IREB2: variants seen among roughly 807,000 people sequenced by gnomAD.
IREB2 encodes the protein iron-responsive element-binding protein 2.
IREB2 carries 39 observed loss-of-function variants against 118.8 expected under a neutral mutation model. That is an observed-to-expected ratio of 0.33 (90% confidence interval 0.25 to 0.43). The LOEUF is 0.43. Ranked by LOEUF, IREB2 falls within the 20% of genes least tolerant of loss-of-function variation. The probability of loss-of-function intolerance (pLI) is 1.00; values close to 1 mark genes in which losing one functional copy is unlikely to be tolerated. For missense variants in IREB2, 900 were observed against 1,147.3 expected, an observed-to-expected ratio of 0.78 and a Z score of 3.11; for synonymous variants, 372 against 392.2, an observed-to-expected ratio of 0.95 and a Z score of 0.61.
chr15:78,438,300 C>A lies in IREB2; in HGVS notation c.-38C>A. 6.4e-7 allele frequency: 1 copy of A among 1,564,686 alleles called. No homozygotes were observed. ...GCCCGGCCTCCCCCTTCTTCCCCCG[C>A]TGGCCCCCTCCCCGGAGGGATAATA... On this transcript the variant is annotated 5_prime_UTR_variant, in exon 1 of 22. It adds an upstream start codon to the 5' untranslated region. Coordinates refer to ENST00000258886, the MANE Select transcript of IREB2 (RefSeq NM_004136.4).
At chr15:78,475,061 CAAAAAAAAAAAAA>C (rs67418312) in intron 8 of IREB2, 3 of 69,946 alleles carry the variant, frequency 4.3e-5, no homozygotes, top group South Asian at 1.3e-3. Flanking sequence ...GACTCTGTCT[CAAAAAAAAAAAAA>C]AAAAAAAAAA....
At chr15:78,471,211 G>C (rs1247681418) in intron 6 of IREB2, among the ~76,000 whole-genome samples, 1 of 152,112 alleles carries the variant, frequency 6.6e-6, no homozygotes, top group Non-Finnish European at 1.5e-5. Context: ...GTTTTGCCAT[G>C]TTGGCCAGGC....
chr15:78,491,806 T>C (rs1262880285), intron 18 of IREB2, among the ~76,000 whole-genome samples: 1 of 152,206 alleles, frequency 6.6e-6, no homozygotes, highest in African/African-American at 2.4e-5. Flanking sequence ...AAAATGTCAA[T>C]GTAGCTTGTG....
Position 78,486,552 on chromosome 15 carries a change from C to T in IREB2, c.1709+712C>T, listed in dbSNP as rs572545185. Among the ~76,000 whole-genome samples, 1,195 of 152,258 alleles carry T rather than the reference C, an allele frequency of 7.8e-3. 17 individuals carry two copies. Among genetic ancestry groups the T allele is most frequent in the African/African-American group, 0.027 (1,128 of 41,530 alleles). On this transcript the variant is annotated intron_variant, in intron 13 of 21. Transcript: ENST00000258886. ...CCTGGGAAGCGGAGGTTGCAGTGAA[C>T]CCAGATCGTGCCGCTGCACTCCAGC...
At chr15:78,470,320 T>C (rs1348520244) in intron 5 of IREB2, among the ~76,000 whole-genome samples, 1 of 152,234 alleles carries the variant, frequency 6.6e-6, no homozygotes, top group East Asian at 1.9e-4. Context: ...CTCAGTAAAA[T>C]ACAACTCACT....
rs1301984884 is a variant in IREB2 at position 78,476,544 on chromosome 15, T to C, written c.1195+185T>C. On this transcript the variant is annotated intron_variant, in intron 9 of 21. Coordinates refer to ENST00000258886, the MANE Select transcript of IREB2 (RefSeq NM_004136.4). ...GTTGTGTCCTCAAACCCTAGTTCCC[T>C]GTGACACATTGAAAGCAATTTAAAG... 7.0e-6 allele frequency: 3 copies of C among 426,618 alleles called. No individual in the cohort carries two copies. The Admixed American group carries it at 1.1e-4, about 16-fold the overall frequency. 26.4% of individuals were successfully genotyped at this position (426,618 alleles called of 1,614,324 possible).
At chr15:78,458,244 G>T (rs926755774) in intron 2 of IREB2, among the ~76,000 whole-genome samples, 1 of 152,066 alleles carries the variant, frequency 6.6e-6, no homozygotes, top group Non-Finnish European at 1.5e-5. Flanking sequence ...ATGAAAGTAG[G>T]GAAATACACA....
intron 5 of IREB2, among the ~76,000 whole-genome samples, chr15:78,469,337 C>T (rs2051336061): frequency 6.6e-6 from 1 of 151,998 alleles, no homozygotes; most frequent in African/African-American, 2.4e-5. Context: ...AGCTGTTTTC[C>T]CTGAGGCCCT....
rs2051011130 is a variant in IREB2, at chr15:78,450,816, TAAC to T, written c.106+10938_106+10940del. 2.8e-5 allele frequency among the ~76,000 whole-genome samples: 4 copies of T among 143,700 alleles called. No individual in the cohort carries two copies. In the South Asian group the frequency reaches 6.8e-4, roughly 24 times the overall value. The allele number at this position is 143,700 out of a possible 152,430, so 94.3% of individuals were successfully genotyped here. A position where few individuals can be genotyped will look rare whatever the true frequency, so the allele number is the denominator to read the frequency against. On this transcript the variant is annotated intron_variant, in intron 2 of 21. Transcript: ENST00000258886. ...TAAGTTGAGAGGGCTGTGGTGATAT[TAAC>T]AAATTTGTGTGTGTGTGTGTGTGTG...
intron 2 of IREB2, among the ~76,000 whole-genome samples, chr15:78,454,762 C>T (rs1055857960): frequency 2.0e-5 from 3 of 152,204 alleles, no homozygotes; most frequent in Admixed American, 6.5e-5. Context: ...GGCATGATCA[C>T]GGCTCACTGC....
intron 2 of IREB2, among the ~76,000 whole-genome samples, chr15:78,460,745 G>A (rs2051182945): frequency 6.6e-6 from 1 of 152,056 alleles, no homozygotes; most frequent in Non-Finnish European, 1.5e-5. Flanking sequence ...TAATTTTTAG[G>A]AAGAGAAAAA....
rs923388446 is a variant in IREB2, at chr15:78,438,260, C to G, written c.-78C>G. 1.8e-6 allele frequency: 2 copies of G among 1,141,282 alleles called. No homozygotes were observed. Among genetic ancestry groups the G allele is most frequent in the Non-Finnish European group, 2.6e-6 (2 of 771,302 alleles). The allele number at this position is 1,141,282 out of a possible 1,614,324, so 70.7% of individuals were successfully genotyped here. On this transcript the variant is annotated 5_prime_UTR_variant, in exon 1 of 22. Transcript: ENST00000258886. ...CTCCCTTGCCAGTCCGCCTGTCTTCCTCCCCGTCTTCCCTGCCCGGCCTCC... is the reference window on the plus strand; with the variant it reads ...CTCCCTTGCCAGTCCGCCTGTCTTCGTCCCCGTCTTCCCTGCCCGGCCTCC...
In IREB2 at chr15:78,485,844, A is replaced by G. The variant is rs545796236; in HGVS notation, c.1709+4A>G. 5 of 1,612,408 alleles carry G rather than the reference A, an allele frequency of 3.1e-6. No individual in the cohort carries two copies. In the African/African-American group the frequency reaches 4.0e-5, roughly 13 times the overall value. Reference sequence around the variant, plus strand: ...TACCATATCTAAGTAAGCTTGGGTAAGTAACAGCTATCGCACTTCATATTG... The same window carrying G: ...TACCATATCTAAGTAAGCTTGGGTAGGTAACAGCTATCGCACTTCATATTG... On this transcript the variant is annotated splice_donor_region_variant and intron_variant, in intron 13 of 21. Coordinates refer to ENST00000258886, the MANE Select transcript of IREB2 (RefSeq NM_004136.4).
At position 78,466,271 on chromosome 15, in the gene IREB2, T is replaced by G; in HGVS notation, c.411T>G (p.Cys137Trp). The G allele has an allele frequency of 6.2e-7, 1 of 1,607,094 alleles. No individual in the cohort carries two copies. The highest frequency in any genetic ancestry group is 8.5e-7 in the Non-Finnish European group (1 of 1,174,618). The stretch of plus-strand genomic sequence containing the variant: ...TTTTGTTTTCTTTTTGGAATGACAG[T>G]GCAATACAGAATGCACCAAATCCTG... ...DHSLQIDFSK[C>W]AIQNAPNPGG... Residue 137 changes from cysteine (C) to tryptophan (W), a missense_variant and splice_region_variant, in exon 5 of 22, where the codon TGT becomes TGG. By Grantham distance (215) the Cys-to-Trp change is radical. Coordinates refer to ENST00000258886, the MANE Select transcript of IREB2 (RefSeq NM_004136.4).
At chr15:78,452,048 T>G in intron 2 of IREB2, among the ~76,000 whole-genome samples, 1 of 152,306 alleles carries the variant, frequency 6.6e-6, no homozygotes, top group East Asian at 1.9e-4. Context: ...ATCAGCAGTT[T>G]AGGACCACAT....
intron 10 of IREB2, chr15:78,481,558 G>T (rs2141507331): frequency 6.7e-6 from 1 of 149,770 alleles, no homozygotes; most frequent in South Asian, 2.1e-4. Context: ...ATAGAGACGG[G>T]GTTTCACCGT....
At chr15:78,480,248 C>T (rs2051543247) in intron 10 of IREB2, 1 of 152,162 alleles carries the variant, frequency 6.6e-6, no homozygotes, top group Non-Finnish European at 1.5e-5. Context: ...GATCATTTTC[C>T]AATCATTTTC....
intron 20 of IREB2, 120 bp from the exon 21 acceptor site, chr15:78,497,006 T>G: frequency 1.5e-6 from 1 of 669,926 alleles, no homozygotes; most frequent in Non-Finnish European, 2.6e-6. Context: ...ATTGATTCAG[T>G]ATGAGATATT....
In IREB2 at chr15:78,467,921, A is replaced by G. The variant is rs562153931; in HGVS notation, c.629+1432A>G. ...ATTGCCTGGGCTGAAGTGCAGTGTC[A>G]TAAGCATGGCTCACTGCAGTCTCGA... On this transcript the variant is annotated intron_variant, in intron 5 of 21. Transcript: ENST00000258886. 2.0e-5 allele frequency among the ~76,000 whole-genome samples: 3 copies of G among 152,206 alleles called. No individual in the cohort carries two copies. In the South Asian group the frequency reaches 6.2e-4, roughly 32 times the overall value.
Sources: allele counts gnomAD v4.1 joint callset (sites outside exome capture counted in the v4.1 genomes callset), GRCh38; gene constraint gnomAD v4.1.1; transcripts MANE v1.5; gene names NCBI Gene and HGNC (gene_info 2026-07-23, HGNC 2026-07-21).